Variants in HKDC1 observed in about 807,000 individuals in gnomAD.
The protein encoded by HKDC1 is hexokinase domain containing 1.
A neutral mutation model predicts 96.6 loss-of-function variants in HKDC1; 66 were observed. That is an observed-to-expected ratio of 0.68 (90% CI 0.56 to 0.84). The LOEUF (loss-of-function observed/expected upper bound fraction) is 0.84, where lower values mean the gene tolerates loss of function less well. HKDC1 is among the 40% of genes least tolerant of loss of function. The pLI, the probability that HKDC1 is intolerant of heterozygous loss-of-function variation, is 0.00. For synonymous variants in HKDC1, 466 were observed against 473.1 expected, an observed-to-expected ratio of 0.98 and a Z score of 0.20; for missense variants, 1,211 against 1,208.1, an observed-to-expected ratio of 1.00 and a Z score of -0.04.
In HKDC1 at chr10:69,220,443, C is replaced by T. The variant is rs757822416; in HGVS notation, c.8C>T (p.Ala3Val). Residue 3 changes from alanine to valine, a missense_variant, in exon 1 of 18, where the codon GCG becomes GTG. Coordinates refer to ENST00000354624, the MANE Select transcript of HKDC1 (RefSeq NM_025130.4). ...AAACCAAACTTGGGGAAAATGTTTG[C>T]GGTCCACTTGATGGCATTTTACTTC... MF[A>V]VHLMAFYFSK... 13 of 1,598,686 alleles carry T rather than the reference C, an allele frequency of 8.1e-6. No homozygotes were observed. The highest frequency in any genetic ancestry group is 8.1e-5 in the African/African-American group (6 of 74,106).
chr10:69,246,501 T>C (rs190214936), intron 8 of HKDC1, among the ~76,000 whole-genome samples: 64 of 152,364 alleles, frequency 4.2e-4, no homozygotes, highest in African/African-American at 1.4e-3. Context: ...AGTGGTAACT[T>C]GTAGCATTTT....
Position 69,266,819 on chromosome 10 carries a change from A to G in HKDC1, c.*62A>G. 6 of 1,544,498 alleles carry G rather than the reference A, an allele frequency of 3.9e-6. No homozygotes were observed. The South Asian group carries it at 7.4e-5, about 19-fold the overall frequency. ...TGAACAGCTTTTCCTCTGGCAGATC[A>G]GTTGGTCAGAGACCAATGGGCACCC... On this transcript the variant is annotated 3_prime_UTR_variant, in exon 18 of 18. Transcript: ENST00000354624.
At chr10:69,263,187 C>T (rs1241177265) in intron 16 of HKDC1, among the ~76,000 whole-genome samples, 3 of 152,144 alleles carry the variant, frequency 2.0e-5, no homozygotes, top group Admixed American at 6.5e-5. Context: ...ACCTCAGCTG[C>T]CACCACTGCT....
chr10:69,228,914 A>G (rs867939136), intron 2 of HKDC1, among the ~76,000 whole-genome samples: 2 of 152,060 alleles, frequency 1.3e-5, no homozygotes, highest in South Asian at 2.1e-4. Flanking sequence ...AGAGAGAGAA[A>G]GAAGAAAGAA....
chr10:69,228,167 T>C (rs1843192341), intron 2 of HKDC1, among the ~76,000 whole-genome samples: 1 of 152,200 alleles, frequency 6.6e-6, no homozygotes, highest in Admixed American at 6.5e-5. Flanking sequence ...TCTGTTTCCT[T>C]AACTTTTCCA....
At chr10:69,241,269 G>C (rs934671837) in intron 6 of HKDC1, among the ~76,000 whole-genome samples, 13 of 152,208 alleles carry the variant, frequency 8.5e-5, no homozygotes, top group Admixed American at 8.5e-4. Flanking sequence ...GGTCCAGGGA[G>C]GGGGCACTGG....
Position 69,239,129 on chromosome 10 carries a change from A to G in HKDC1, c.583A>G (p.Arg195Gly), listed in dbSNP as rs1589407864. ...VVSRLTKAMR[R>G]HKDMDVDILA... is the part of the protein sequence containing the mutation. ...GAGCCGTCTGACCAAAGCCATGAGA[A>G]GACACAAGGTGAGGAATTCACCTCG... The change falls in exon 5 of 18, where the codon AGA becomes GGA. Residue 195 changes from arginine to glycine, a missense_variant. Transcript: ENST00000354624. 3 of 1,613,316 alleles carry G rather than the reference A, an allele frequency of 1.9e-6. No individual in the cohort carries two copies. Among genetic ancestry groups the G allele is most frequent in the East Asian group, 2.2e-5 (1 of 44,888 alleles).
In HKDC1 at chr10:69,247,298, C is replaced by T. The variant is rs541245088; in HGVS notation, c.1032-62C>T. 20 of 1,113,888 alleles carry T rather than the reference C, an allele frequency of 1.8e-5. No homozygotes were observed. The East Asian group carries it at 3.5e-4, about 20-fold the overall frequency. 69.0% of individuals were successfully genotyped at this position (1,113,888 alleles called of 1,614,324 possible). On this transcript the variant is annotated intron_variant, in intron 8 of 17. Coordinates refer to ENST00000354624, the MANE Select transcript of HKDC1 (RefSeq NM_025130.4). The stretch of plus-strand genomic sequence containing the variant: ...ATCCTGAGAGGTGGAGAAGCTTGTT[C>T]CCCCAGGAGGATACCAGTGGGATGG...
intron 17 of HKDC1, among the ~76,000 whole-genome samples, chr10:69,266,405 G>C (rs559242815): frequency 4.2e-4 from 64 of 151,716 alleles, no homozygotes; most frequent in African/African-American, 1.5e-3. Context: ...CGAGGCTGCA[G>C]TGGGCTGTGA....
At chr10:69,224,494 G>C (rs913350836) in intron 1 of HKDC1, among the ~76,000 whole-genome samples, 2 of 152,076 alleles carry the variant, frequency 1.3e-5, no homozygotes, top group African/African-American at 2.4e-5. Context: ...AGCTTGGCCA[G>C]GCTGGTCTCG....
chr10:69,252,765 T>G (rs1843664462), intron 12 of HKDC1, among the ~76,000 whole-genome samples: 1 of 151,790 alleles, frequency 6.6e-6, no homozygotes, highest in African/African-American at 2.4e-5. Flanking sequence ...CAGGGAGCTA[T>G]GATCACACCA....
chr10:69,242,429 G>GGA (rs1554867733), intron 6 of HKDC1, among the ~76,000 whole-genome samples: 27 of 115,344 alleles, frequency 2.3e-4, no homozygotes, highest in African/African-American at 7.7e-4. Context: ...AGATACTGAA[G>GGA]AAAAAAAAAA....
At chr10:69,223,214 T>C (rs1843094859) in intron 1 of HKDC1, 1 of 152,188 alleles carries the variant, frequency 6.6e-6, no homozygotes, top group African/African-American at 2.4e-5. Context: ...TCAGTGTGTA[T>C]TTTTCATGGC....
chr10:69,264,244 T>TG (rs1184983965), intron 16 of HKDC1, among the ~76,000 whole-genome samples: 42 of 150,532 alleles, frequency 2.8e-4, no homozygotes, highest in East Asian at 2.3e-3. Flanking sequence ...TGTGTGTGTC[T>TG]TTTTTTAATC....
chr10:69,238,836 C>T (rs945306076), intron 4 of HKDC1, among the ~76,000 whole-genome samples: 9 of 152,164 alleles, frequency 5.9e-5, no homozygotes, highest in African/African-American at 2.2e-4. Flanking sequence ...CCTTCTGCTA[C>T]CATATATTTC....
At chr10:69,240,043 G>A (rs769298406) in intron 5 of HKDC1, among the ~76,000 whole-genome samples, 3 of 152,190 alleles carry the variant, frequency 2.0e-5, no homozygotes, top group East Asian at 1.9e-4. Context: ...AGACTTGGCC[G>A]AGTCTGTGCC....
chr10:69,231,352 A>T (rs918443019), intron 2 of HKDC1, among the ~76,000 whole-genome samples: 1 of 152,072 alleles, frequency 6.6e-6, no homozygotes, highest in Admixed American at 6.5e-5. Flanking sequence ...TAGCTTTTCC[A>T]AATCCTTCCA....
At chr10:69,266,073 C>T (rs1288029895) in intron 17 of HKDC1, among the ~76,000 whole-genome samples, 2 of 152,168 alleles carry the variant, frequency 1.3e-5, no homozygotes, top group Non-Finnish European at 2.9e-5. Context: ...CCACAAAAGG[C>T]CAGCACTAAT....
At chr10:69,263,751 G>C (rs190087761) in intron 16 of HKDC1, among the ~76,000 whole-genome samples, 1 of 152,322 alleles carries the variant, frequency 6.6e-6, no homozygotes, top group East Asian at 1.9e-4. Flanking sequence ...AGCTGTGAAA[G>C]GCTGGGCCCA....
Sources: allele counts gnomAD v4.1 joint callset (sites outside exome capture counted in the v4.1 genomes callset), GRCh38; gene constraint gnomAD v4.1.1; transcripts MANE v1.5; gene names NCBI Gene and HGNC (gene_info 2026-07-23, HGNC 2026-07-21).